Variants in KIAA1549L observed in about 807,000 individuals in gnomAD.
KIAA1549L encodes UPF0606 protein KIAA1549L.
In KIAA1549L, 88 loss-of-function variants were observed where a neutral mutation model predicts 160.7. The ratio of observed to expected loss-of-function variants is 0.55; its 90% CI spans 0.46 to 0.65. The LOEUF (loss-of-function observed/expected upper bound fraction) is 0.65. Ranked by LOEUF, KIAA1549L falls within the 30% of genes least tolerant of loss-of-function variation. The probability of loss-of-function intolerance (pLI) is 0.00; values close to 1 mark genes in which losing one functional copy is unlikely to be tolerated. For synonymous variants in KIAA1549L, 950 were observed against 976.7 expected (o/e 0.97, Z 0.51); for missense variants, 2,258 against 2,437.5 (o/e 0.93, Z 1.55).
intron 1 of KIAA1549L, among the ~76,000 whole-genome samples, chr11:33,430,968 C>T (rs1050427247): frequency 3.9e-5 from 6 of 151,920 alleles, no homozygotes; most frequent in East Asian, 3.9e-4. Context: ...CTTAAGGTGG[C>T]GCGTCTGGAG....
intron 1 of KIAA1549L, among the ~76,000 whole-genome samples, chr11:33,476,700 A>C (rs58925954): frequency 0.029 from 4,415 of 151,572 alleles, 114 homozygotes; most frequent in African/African-American, 0.07. Context: ...ATTGCCCCCA[A>C]CCTCCCAGCT....
chr11:33,388,257 A>G (rs1050638757), intron 1 of KIAA1549L, among the ~76,000 whole-genome samples: 2 of 152,208 alleles, frequency 1.3e-5, no homozygotes, highest in Admixed American at 6.5e-5. Context: ...TCTTCTTCAT[A>G]TGATGGCAGG....
At chr11:33,487,959 C>T (rs1002960948) in intron 1 of KIAA1549L, among the ~76,000 whole-genome samples, 1 of 152,218 alleles carries the variant, frequency 6.6e-6, no homozygotes, top group Non-Finnish European at 1.5e-5. Flanking sequence ...CCTTTCCCAT[C>T]CCTGGGAGGC....
At chr11:33,408,543 T>G (rs1850719848) in intron 1 of KIAA1549L, among the ~76,000 whole-genome samples, 1 of 149,096 alleles carries the variant, frequency 6.7e-6, no homozygotes, top group Non-Finnish European at 1.5e-5. Flanking sequence ...AAATTTTAGA[T>G]CTTCCCAAAC....
At chr11:33,620,534 A>G (rs970287879) in intron 16 of KIAA1549L, among the ~76,000 whole-genome samples, 5 of 152,218 alleles carry the variant, frequency 3.3e-5, no homozygotes, top group African/African-American at 9.6e-5. Flanking sequence ...ACCAAGCCCT[A>G]TTCTAGTCTT....
At chr11:33,564,294 A>G (rs1039406217) in intron 8 of KIAA1549L, among the ~76,000 whole-genome samples, 5 of 152,342 alleles carry the variant, frequency 3.3e-5, no homozygotes, top group Non-Finnish European at 5.9e-5. Context: ...CCAGACATGC[A>G]TCACAGGCTT....
chr11:33,638,237 A>AC (rs1851489039), intron 16 of KIAA1549L, among the ~76,000 whole-genome samples: 1 of 151,586 alleles, frequency 6.6e-6, no homozygotes, highest in African/African-American at 2.4e-5. Context: ...CTCCCAGAAA[A>AC]CTCCCTCACT....
chr11:33,596,552 C>T (rs1395081678), intron 12 of KIAA1549L, among the ~76,000 whole-genome samples: 1 of 152,162 alleles, frequency 6.6e-6, no homozygotes, highest in Non-Finnish European at 1.5e-5. Context: ...GCCTGGGCAA[C>T]ATGATGAAAC....
intron 16 of KIAA1549L, among the ~76,000 whole-genome samples, chr11:33,635,240 A>G (rs1341660036): frequency 1.3e-5 from 2 of 152,232 alleles, no homozygotes; most frequent in African/African-American, 4.8e-5. Context: ...GAGGCATTAA[A>G]TGGAGAGAAG....
chr11:33,436,137 C>T (rs186483317), intron 1 of KIAA1549L, among the ~76,000 whole-genome samples: 1 of 152,054 alleles, frequency 6.6e-6, no homozygotes, highest in Non-Finnish European at 1.5e-5. Context: ...CACTTTATAT[C>T]TCAGGGACAT....
chr11:33,608,129 CAG>C (rs1481649297), intron 14 of KIAA1549L, among the ~76,000 whole-genome samples: 1 of 152,214 alleles, frequency 6.6e-6, no homozygotes, highest in East Asian at 1.9e-4. Flanking sequence ...AGCCATGCCT[CAG>C]GGGTTTGAGC....
intron 7 of KIAA1549L, among the ~76,000 whole-genome samples, chr11:33,560,735 G>C (rs1854826886): frequency 6.6e-6 from 1 of 152,090 alleles, no homozygotes. Context: ...ATACATATTA[G>C]CAAAATTGTC....
intron 16 of KIAA1549L, among the ~76,000 whole-genome samples, chr11:33,639,896 G>A (rs2133392401): frequency 6.6e-6 from 1 of 152,278 alleles, no homozygotes; most frequent in Middle Eastern, 3.4e-3. Context: ...CATATAGTAA[G>A]ATATTAGGAA....
chr11:33,574,689 C>G lies in KIAA1549L; in HGVS notation c.4231-13C>G. ...AATGCCCTGCAAACACTCGGCCTCT[C>G]TTTTTCCGAAAGATGGTGAAGATGC... On this transcript the variant is annotated splice_polypyrimidine_tract_variant and intron_variant, in intron 9 of 20. Coordinates refer to ENST00000658780, the MANE Select transcript of KIAA1549L (RefSeq NM_012194.3). The G allele has an allele frequency of 6.2e-7, 1 of 1,604,138 alleles. No homozygotes were observed. Among genetic ancestry groups the G allele is most frequent in the East Asian group, 2.2e-5 (1 of 44,666 alleles).
chr11:33,405,523 T>TC (rs1850627035), intron 1 of KIAA1549L, among the ~76,000 whole-genome samples: 1 of 151,326 alleles, frequency 6.6e-6, no homozygotes, highest in Non-Finnish European at 1.5e-5. Flanking sequence ...TTTTTTTTTT[T>TC]TTTTAACATA....
intron 1 of KIAA1549L, among the ~76,000 whole-genome samples, chr11:33,522,934 G>C (rs918260805): frequency 1.3e-4 from 20 of 151,740 alleles, no homozygotes; most frequent in Non-Finnish European, 2.5e-4. Context: ...ACATACATTT[G>C]TTATAGCATT....
intron 18 of KIAA1549L, among the ~76,000 whole-genome samples, chr11:33,656,889 C>T (rs913756566): frequency 2.0e-5 from 3 of 152,096 alleles, no homozygotes; most frequent in African/African-American, 7.2e-5. Context: ...TGCCACCAGC[C>T]GAGCCTGGGT....
intron 1 of KIAA1549L, among the ~76,000 whole-genome samples, chr11:33,399,497 A>G (rs887213503): frequency 2.6e-5 from 4 of 152,098 alleles, no homozygotes; most frequent in Non-Finnish European, 5.9e-5. Flanking sequence ...TAAGTCCCCA[A>G]GCTTTCCTGG....
At chr11:33,637,796 TC>T (rs1363310179) in intron 16 of KIAA1549L, among the ~76,000 whole-genome samples, 1 of 152,182 alleles carries the variant, frequency 6.6e-6, no homozygotes, top group Non-Finnish European at 1.5e-5. Context: ...GACCCAAGGG[TC>T]CACTCTAATG....
Sources: allele counts gnomAD v4.1 joint callset (sites outside exome capture counted in the v4.1 genomes callset), GRCh38; gene constraint gnomAD v4.1.1; transcripts MANE v1.5; gene names NCBI Gene and HGNC (gene_info 2026-07-23, HGNC 2026-07-21).